SUGCT: variants seen among roughly 807,000 people sequenced by gnomAD.
The protein encoded by SUGCT is succinyl-CoA:glutarate CoA-transferase.
A neutral mutation model predicts 55.0 loss-of-function variants in SUGCT; 41 were observed. The ratio of observed to expected loss-of-function variants is 0.74; its 90% confidence interval spans 0.58 to 0.97. SUGCT has a LOEUF of 0.97. SUGCT is among the 50% of genes least tolerant of loss of function. The pLI is 0.00. For synonymous variants in SUGCT, 187 were observed against 200.4 expected (o/e 0.93, Z 0.56); for missense variants, 568 against 547.8 (o/e 1.04, Z -0.37).
intron 5 of SUGCT, among the ~76,000 whole-genome samples, chr7:40,191,599 T>C (rs1469903337): frequency 2.0e-5 from 3 of 152,182 alleles, no homozygotes; most frequent in African/African-American, 7.2e-5. Flanking sequence ...TTTTGAAACT[T>C]GGTTTGATTT....
chr7:41,026,657 G>A, the SUGCT span, among the ~76,000 whole-genome samples: 1 of 152,204 alleles, frequency 6.6e-6, no homozygotes, highest in Non-Finnish European at 1.5e-5. Flanking sequence ...CCATCTACGT[G>A]AGAAGTCTTG....
intron 1 of SUGCT, among the ~76,000 whole-genome samples, chr7:40,157,980 A>G (rs1389661435): frequency 6.6e-6 from 1 of 152,132 alleles, no homozygotes; most frequent in African/African-American, 2.4e-5. Flanking sequence ...AGGCTGAGGC[A>G]GGCAGATCAC....
chr7:40,163,974 A>G (rs1349374160), intron 1 of SUGCT, among the ~76,000 whole-genome samples: 2 of 151,964 alleles, frequency 1.3e-5, no homozygotes, highest in East Asian at 3.9e-4. Context: ...GGCATGCACC[A>G]CCACACCCAG....
chr7:40,629,477 C>T (rs1299759559), intron 12 of SUGCT, among the ~76,000 whole-genome samples: 1 of 152,032 alleles, frequency 6.6e-6, no homozygotes, highest in Non-Finnish European at 1.5e-5. Context: ...TAGGATATAG[C>T]AATGAAAATA....
chr7:40,368,940 C>A (rs982529350), intron 9 of SUGCT, among the ~76,000 whole-genome samples: 3 of 151,854 alleles, frequency 2.0e-5, no homozygotes, highest in African/African-American at 7.3e-5. Context: ...TGCATCTCTA[C>A]TAAAAATACA....
chr7:40,898,582 G>C, the SUGCT span, among the ~76,000 whole-genome samples: 1 of 148,526 alleles, frequency 6.7e-6, no homozygotes, highest in Non-Finnish European at 1.5e-5. Context: ...AATTATTTTG[G>C]GCGAGGTGGT....
At chr7:40,709,634 C>T (rs1479943160) in intron 12 of SUGCT, among the ~76,000 whole-genome samples, 1 of 152,166 alleles carries the variant, frequency 6.6e-6, no homozygotes, top group African/African-American at 2.4e-5. Context: ...CAGGTGTAAA[C>T]GTTTCCTCAG....
chr7:40,216,697 C>T (rs1787673922), intron 6 of SUGCT, among the ~76,000 whole-genome samples: 1 of 151,434 alleles, frequency 6.6e-6, no homozygotes, highest in Non-Finnish European at 1.5e-5. Flanking sequence ...TATAAAAATA[C>T]AAAAATTAGC....
chr7:40,263,915 T>C (rs1791388936), intron 7 of SUGCT, among the ~76,000 whole-genome samples: 1 of 152,068 alleles, frequency 6.6e-6, no homozygotes, highest in South Asian at 2.1e-4. Context: ...TTTTTTTTTC[T>C]TCTGGTTTGT....
chr7:40,220,793 A>G (rs1169681378), intron 6 of SUGCT, among the ~76,000 whole-genome samples: 3 of 152,194 alleles, frequency 2.0e-5, no homozygotes, highest in African/African-American at 7.2e-5. Flanking sequence ...AAAATTCTGA[A>G]CCTGGGCTGA....
chr7:40,243,910 C>T (rs1287416986), intron 7 of SUGCT, among the ~76,000 whole-genome samples: 18 of 152,156 alleles, frequency 1.2e-4, no homozygotes, highest in African/African-American at 4.1e-4. Flanking sequence ...CGGTGGCTCA[C>T]GCCTATAATT....
At chr7:40,236,312 A>C (rs1307767175) in intron 6 of SUGCT, among the ~76,000 whole-genome samples, 1 of 151,832 alleles carries the variant, frequency 6.6e-6, no homozygotes, top group African/African-American at 2.4e-5. Context: ...CCCGCCTCCC[A>C]AAGTCCTGGG....
chr7:40,236,145 C>T (rs1788995469), intron 6 of SUGCT, among the ~76,000 whole-genome samples: 7 of 152,064 alleles, frequency 4.6e-5, no homozygotes, highest in Admixed American at 4.6e-4. Flanking sequence ...GTAACCTCTG[C>T]CTCCCGGGTT....
At chr7:40,379,631 A>C (rs2422301) in intron 9 of SUGCT, among the ~76,000 whole-genome samples, 144,165 of 152,206 alleles carry the variant, frequency 0.95, 68,754 homozygotes, top group East Asian at 1. Context: ...TGGTAGTCAG[A>C]TAATAATTTG....
chr7:40,613,674 A>G (rs1011075042), intron 12 of SUGCT, among the ~76,000 whole-genome samples: 1 of 151,596 alleles, frequency 6.6e-6, no homozygotes, highest in African/African-American at 2.4e-5. Context: ...GCAATGGCAC[A>G]ATCTCAGCTC....
chr7:40,604,090 C>T (rs1458946456), intron 12 of SUGCT, among the ~76,000 whole-genome samples: 1 of 152,032 alleles, frequency 6.6e-6, no homozygotes. Context: ...GGGGGAGGTT[C>T]CTCAATGTGG....
At chr7:40,787,341 G>T (rs1790062144) in intron 13 of SUGCT, among the ~76,000 whole-genome samples, 1 of 152,068 alleles carries the variant, frequency 6.6e-6, no homozygotes, top group African/African-American at 2.4e-5. Context: ...CCCACTTAGG[G>T]CATTACCATT....
chr7:40,257,685 G>T (rs983441647), intron 7 of SUGCT, among the ~76,000 whole-genome samples: 1 of 152,042 alleles, frequency 6.6e-6, no homozygotes, highest in African/African-American at 2.4e-5. Flanking sequence ...AGACCAGCCT[G>T]GCCAACATGC....
At chr7:40,466,166 C>T (rs901073116) in intron 11 of SUGCT, among the ~76,000 whole-genome samples, 3 of 152,122 alleles carry the variant, frequency 2.0e-5, no homozygotes, top group South Asian at 2.1e-4. Context: ...TCCAACCTCC[C>T]GAAATGCTGG....
Sources: gnomAD v4.1 joint callset for allele counts (sites outside exome capture counted in the v4.1 genomes callset) on GRCh38, gnomAD v4.1.1 for gene constraint, MANE v1.5 for transcripts, NCBI Gene and HGNC (gene_info 2026-07-23, HGNC 2026-07-21) for gene names.